Variants in PDE1A observed in about 807,000 individuals in gnomAD.
PDE1A encodes phosphodiesterase 1A, also known as dual specificity calcium/calmodulin-dependent 3',5'-cyclic nucleotide phosphodiesterase 1A.
Under a neutral mutation model 61.7 loss-of-function variants are expected in PDE1A, and 35 were observed. That is an observed-to-expected ratio of 0.57 (90% CI 0.43 to 0.75). The LOEUF is 0.75. Ranked by LOEUF, PDE1A falls within the 30% of genes least tolerant of loss-of-function variation. PDE1A has a pLI of 0.00. For missense variants in PDE1A, 597 were observed against 630.6 expected (o/e 0.95, Z 0.57); for synonymous variants, 232 against 213.2 (o/e 1.09, Z -0.77).
intron 1 of PDE1A, among the ~76,000 whole-genome samples, chr2:182,283,195 T>C (rs1693928882): frequency 6.6e-6 from 1 of 152,168 alleles, no homozygotes; most frequent in East Asian, 1.9e-4. Context: ...TGGACACTTG[T>C]TGAGTGTCCA....
intron 10 of PDE1A, among the ~76,000 whole-genome samples, chr2:182,197,188 T>C (rs1486972020): frequency 6.6e-6 from 1 of 151,906 alleles, no homozygotes; most frequent in Non-Finnish European, 1.5e-5. Flanking sequence ...AAAATGAACA[T>C]ACTTGTATGT....
At chr2:182,179,472 T>C (rs999492459) in intron 13 of PDE1A, among the ~76,000 whole-genome samples, 1 of 152,078 alleles carries the variant, frequency 6.6e-6, no homozygotes, top group Non-Finnish European at 1.5e-5. Flanking sequence ...CAAAGAGGGA[T>C]AACAGCTTAA....
chr2:182,493,063 A>C (rs1688491378), intron 2 of PDE1A, among the ~76,000 whole-genome samples: 1 of 152,114 alleles, frequency 6.6e-6, no homozygotes, highest in South Asian at 2.1e-4. Flanking sequence ...CTGTGCTTAC[A>C]TCATCCTAAT....
intron 12 of PDE1A, 114 bp downstream of exon 12, chr2:182,186,354 C>A (rs1345534170): frequency 3.2e-6 from 4 of 1,266,704 alleles, no homozygotes; most frequent in Non-Finnish European, 4.5e-6. Context: ...TGGCAATACT[C>A]CCTAATAATT....
chr2:182,199,981 C>T (rs915145870), intron 10 of PDE1A, among the ~76,000 whole-genome samples: 6 of 150,284 alleles, frequency 4.0e-5, no homozygotes, highest in Non-Finnish European at 7.4e-5. Context: ...TTATGTCCAT[C>T]AACAATGGGA....
At chr2:182,581,825 C>T in the PDE1A span, among the ~76,000 whole-genome samples, 5 of 152,260 alleles carry the variant, frequency 3.3e-5, no homozygotes, top group South Asian at 2.1e-4. Context: ...TCTCAATCCA[C>T]TCGAGGGCAG....
At chr2:182,407,364 TCAA>T (rs1490332227) in intron 1 of PDE1A, among the ~76,000 whole-genome samples, 1 of 151,738 alleles carries the variant, frequency 6.6e-6, no homozygotes, top group Non-Finnish European at 1.5e-5. Flanking sequence ...ATTCTTTCCT[TCAA>T]CATACTTTAT....
chr2:182,365,227 T>C (rs138228956), intron 1 of PDE1A, among the ~76,000 whole-genome samples: 1,900 of 152,156 alleles, frequency 0.012, 24 homozygotes, highest in South Asian at 0.048. Flanking sequence ...AGGTGTAAGC[T>C]AAGATGATGC....
chr2:182,407,442 T>G (rs1268937620), intron 1 of PDE1A, among the ~76,000 whole-genome samples: 1 of 152,038 alleles, frequency 6.6e-6, no homozygotes, highest in East Asian at 1.9e-4. Context: ...AGTACAGTGG[T>G]GCCATCTCAG....
chr2:182,623,872 C>T, the PDE1A span, among the ~76,000 whole-genome samples: 4 of 152,116 alleles, frequency 2.6e-5, no homozygotes, highest in Non-Finnish European at 4.4e-5. Context: ...ACGCCTGTAA[C>T]CCCAGCACTT....
At chr2:182,586,507 C>T in the PDE1A span, among the ~76,000 whole-genome samples, 2 of 152,328 alleles carry the variant, frequency 1.3e-5, no homozygotes, top group African/African-American at 4.8e-5. Flanking sequence ...CCTCTGAGGA[C>T]AACTTTGCAT....
intron 8 of PDE1A, among the ~76,000 whole-genome samples, chr2:182,202,508 C>T (rs559487429): frequency 2.0e-5 from 3 of 152,196 alleles, no homozygotes; most frequent in South Asian, 4.2e-4. Context: ...TTAATATTTC[C>T]CCCCAAAGGA....
chr2:182,386,980 G>A (rs1016997810), intron 1 of PDE1A, among the ~76,000 whole-genome samples: 1 of 152,246 alleles, frequency 6.6e-6, no homozygotes, highest in Non-Finnish European at 1.5e-5. Flanking sequence ...AATAGAAAAG[G>A]GGGAAAGGTG....
chr2:182,411,471 T>C (rs1702611592), intron 1 of PDE1A, among the ~76,000 whole-genome samples: 1 of 152,180 alleles, frequency 6.6e-6, no homozygotes, highest in African/African-American at 2.4e-5. Flanking sequence ...AACATGCTTG[T>C]ACAGGTCTTT....
chr2:182,173,565 A>C (rs1692441703), intron 13 of PDE1A, among the ~76,000 whole-genome samples: 1 of 149,068 alleles, frequency 6.7e-6, no homozygotes, highest in Non-Finnish European at 1.5e-5. Context: ...TAATATAATA[A>C]TTTAATTTAC....
At chr2:182,423,435 A>G (rs1245067366) in intron 1 of PDE1A, among the ~76,000 whole-genome samples, 1 of 152,210 alleles carries the variant, frequency 6.6e-6, no homozygotes, top group Non-Finnish European at 1.5e-5. Flanking sequence ...GCCAGCTACA[A>G]AATTTCAACG....
chr2:182,263,901 CA>C (rs1258457151), intron 2 of PDE1A, among the ~76,000 whole-genome samples: 1 of 152,132 alleles, frequency 6.6e-6, no homozygotes, highest in Admixed American at 6.5e-5. Context: ...AATGTGTGGG[CA>C]TATAACACCC....
In PDE1A at chr2:182,283,370, G is replaced by T. The variant is rs559182470; in HGVS notation, c.54-18956C>A. Among the ~76,000 whole-genome samples, 237 of 151,820 alleles carry T rather than the reference G, an allele frequency of 1.6e-3. 1 individual carries two copies. Among genetic ancestry groups the T allele is most frequent in the African/African-American group, 5.5e-3 (230 of 41,460 alleles). On this transcript the variant is annotated intron_variant, in intron 1 of 13. Coordinates refer to ENST00000351439, the Ensembl canonical transcript of PDE1A. ...TTTGAATAGTCCACCTTATCAATAT[G>T]AGAACATGGTTTTGGTATAAAGGGT...
chr2:182,572,763 G>A, the PDE1A span, among the ~76,000 whole-genome samples: 62 of 151,770 alleles, frequency 4.1e-4, no homozygotes, highest in South Asian at 0.01. Context: ...CCAGCTACTC[G>A]GGAGGTGAGG....
Sources: allele counts gnomAD v4.1 joint callset (sites outside exome capture counted in the v4.1 genomes callset), GRCh38; gene constraint gnomAD v4.1.1; transcripts MANE v1.5; gene names NCBI Gene and HGNC (gene_info 2026-07-23, HGNC 2026-07-21).